The following SAMD12 variants were observed in gnomAD, a reference collection of about 807,000 sequenced individuals.
SAMD12 encodes the protein sterile alpha motif domain containing 12.
SAMD12 carries 9 observed loss-of-function variants against 15.0 expected under a neutral mutation model. That is an observed-to-expected ratio of 0.60 (90% CI 0.36 to 1.05). The LOEUF (loss-of-function observed/expected upper bound fraction) is 1.05. Ranked by LOEUF, SAMD12 falls within the 50% of genes least tolerant of loss-of-function variation. The probability of loss-of-function intolerance (pLI) is 0.01; values close to 1 mark genes in which losing one functional copy is unlikely to be tolerated. For missense variants in SAMD12, 230 were observed against 234.2 expected, an observed-to-expected ratio of 0.98 and a Z score of 0.12; for synonymous variants, 86 against 90.1, an observed-to-expected ratio of 0.96 and a Z score of 0.25.
chr8:118,482,467 T>C (rs1454064463), intron 2 of SAMD12, among the ~76,000 whole-genome samples: 1 of 145,662 alleles, frequency 6.9e-6, no homozygotes, highest in Non-Finnish European at 1.5e-5. Flanking sequence ...GAAATATATA[T>C]TTTTTTTAAA....
rs1586497621 is a variant in SAMD12 at position 118,312,429 on chromosome 8, C to T, written c.433+67131G>A. On this transcript the variant is annotated intron_variant, in intron 4 of 4. Transcript: ENST00000409003. Reference sequence around the variant, plus strand: ...CCATGCCTCTGATCTTCACATCCCTCCAGACCCAGATCATGTCCCATCTCA... The same window carrying T: ...CCATGCCTCTGATCTTCACATCCCTTCAGACCCAGATCATGTCCCATCTCA... Among the ~76,000 whole-genome samples the T allele has an allele frequency of 2.0e-5, 3 of 152,332 alleles. No individual in the cohort carries two copies. In the South Asian group the frequency reaches 6.2e-4, roughly 32 times the overall value.
At chr8:118,588,714 C>T (rs1827509105) in intron 1 of SAMD12, among the ~76,000 whole-genome samples, 1 of 152,050 alleles carries the variant, frequency 6.6e-6, no homozygotes, top group Admixed American at 6.5e-5. Flanking sequence ...ATAACCATAA[C>T]CTGAAGGGCA....
intron 1 of SAMD12, among the ~76,000 whole-genome samples, chr8:118,610,953 C>A (rs1204561999): frequency 6.6e-6 from 1 of 152,132 alleles, no homozygotes; most frequent in Non-Finnish European, 1.5e-5. Flanking sequence ...AATCAGGATG[C>A]ATGTTAGATT....
chr8:118,469,609 C>T (rs1823732783), intron 2 of SAMD12, among the ~76,000 whole-genome samples: 1 of 124,898 alleles, frequency 8.0e-6, no homozygotes, highest in South Asian at 2.6e-4. Flanking sequence ...GTCACCCAGG[C>T]TAGAGTGCAG....
At chr8:118,431,313 C>G (rs1586710803) in intron 3 of SAMD12, among the ~76,000 whole-genome samples, 1 of 152,144 alleles carries the variant, frequency 6.6e-6, no homozygotes, top group African/African-American at 2.4e-5. Flanking sequence ...ATTTTACCTT[C>G]ATTTATTCAT....
the SAMD12 span, among the ~76,000 whole-genome samples, chr8:118,180,000 A>G: frequency 6.6e-6 from 1 of 152,232 alleles, no homozygotes; most frequent in Non-Finnish European, 1.5e-5. Flanking sequence ...GCATCAAAGT[A>G]CATTTGTTTT....
chr8:118,382,508 C>T (rs559831204), intron 3 of SAMD12, among the ~76,000 whole-genome samples: 26 of 152,282 alleles, frequency 1.7e-4, no homozygotes, highest in Admixed American at 9.8e-4. Context: ...AATGTTATTT[C>T]TACTTTGGTG....
In SAMD12 at chr8:118,279,514, G is replaced by C. The variant is rs141181744; in HGVS notation, c.434-81782C>G. On this transcript the variant is annotated intron_variant, in intron 4 of 4. Transcript: ENST00000409003. ...ACATTAAGAAGACATGGTTACGTGAGAAGTGATGCAAATGCTGTATCTTTT... is the reference window on the plus strand; with the variant it reads ...ACATTAAGAAGACATGGTTACGTGACAAGTGATGCAAATGCTGTATCTTTT... Among the ~76,000 whole-genome samples the C allele has an allele frequency of 2.1e-3, 326 of 152,320 alleles. 3 individuals are homozygous for C. Among genetic ancestry groups the C allele is most frequent in the Middle Eastern group, 0.01 (3 of 294 alleles).
chr8:118,136,305 C>T, the SAMD12 span, among the ~76,000 whole-genome samples: 1 of 152,288 alleles, frequency 6.6e-6, no homozygotes, highest in South Asian at 2.1e-4. Flanking sequence ...GCTGGGATTA[C>T]AGGCATGAGC....
At chr8:118,551,690 A>C (rs1210522384) in intron 2 of SAMD12, among the ~76,000 whole-genome samples, 1 of 150,112 alleles carries the variant, frequency 6.7e-6, no homozygotes, top group Non-Finnish European at 1.5e-5. Context: ...GCAGAACTGA[A>C]GGAAATAGAG....
At chr8:118,463,860 C>CAGG (rs997365652) in intron 2 of SAMD12, among the ~76,000 whole-genome samples, 4 of 151,900 alleles carry the variant, frequency 2.6e-5, no homozygotes, top group Admixed American at 6.6e-5. Flanking sequence ...CTGGGTTTGG[C>CAGG]AGGAGGAGGA....
chr8:118,239,794 C>G (rs1812525224), intron 4 of SAMD12: 1 of 152,124 alleles, frequency 6.6e-6, no homozygotes, highest in South Asian at 2.1e-4. Context: ...AGATTCCCAG[C>G]CACAACACTG....
chr8:118,201,586 T>C (rs1337809665), intron 4 of SAMD12, among the ~76,000 whole-genome samples: 1 of 152,236 alleles, frequency 6.6e-6, no homozygotes, highest in East Asian at 1.9e-4. Context: ...ATACAGAAAG[T>C]GCTTATTAAA....
intron 2 of SAMD12, among the ~76,000 whole-genome samples, chr8:118,520,313 C>A (rs1480620387): frequency 1.3e-5 from 2 of 152,088 alleles, no homozygotes; most frequent in Non-Finnish European, 2.9e-5. Flanking sequence ...AGAAGCCTAC[C>A]TGAACATTCT....
At chr8:118,376,431 C>T (rs1186979845), downstream of SAMD12, among the ~76,000 whole-genome samples, 3 of 152,020 alleles carry the variant, frequency 2.0e-5, no homozygotes, top group African/African-American at 7.2e-5. Flanking sequence ...GATATCCCAC[C>T]CCATGTGACA....
chr8:118,618,319 A>G (rs958628106), intron 1 of SAMD12, among the ~76,000 whole-genome samples: 1 of 152,250 alleles, frequency 6.6e-6, no homozygotes, highest in Non-Finnish European at 1.5e-5. Flanking sequence ...CTTGCTAGTA[A>G]CACTTTTACA....
chr8:118,151,638 C>T, the SAMD12 span, among the ~76,000 whole-genome samples: 1 of 151,800 alleles, frequency 6.6e-6, no homozygotes, highest in Non-Finnish European at 1.5e-5. Context: ...ACCACCCTGA[C>T]TAACATGGTG....
chr8:118,281,530 G>A (rs1381934627), intron 4 of SAMD12, among the ~76,000 whole-genome samples: 1 of 152,130 alleles, frequency 6.6e-6, no homozygotes, highest in Non-Finnish European at 1.5e-5. Context: ...ACATTTTTAG[G>A]AATAGGTCTG....
intron 4 of SAMD12, among the ~76,000 whole-genome samples, chr8:118,205,774 G>A (rs1044518410): frequency 3.3e-5 from 5 of 151,922 alleles, no homozygotes; most frequent in Admixed American, 6.6e-5. Context: ...TGCAGTCCTC[G>A]TTGCTTGGAT....
Sources: allele counts gnomAD v4.1 joint callset (sites outside exome capture counted in the v4.1 genomes callset), GRCh38; gene constraint gnomAD v4.1.1; transcripts MANE v1.5; gene names NCBI Gene and HGNC (gene_info 2026-07-23, HGNC 2026-07-21).